PCDHA10: variants seen among roughly 807,000 people sequenced by gnomAD.
PCDHA10 encodes the protein protocadherin alpha 10.
Under a neutral mutation model 61.2 loss-of-function variants are expected in PCDHA10, and 45 were observed. The ratio of observed to expected loss-of-function variants is 0.74; its 90% CI spans 0.58 to 0.94. The LOEUF (loss-of-function observed/expected upper bound fraction) is 0.94, where lower values mean the gene tolerates loss of function less well. Ranked by LOEUF, PCDHA10 falls within the 40% of genes least tolerant of loss-of-function variation. The probability of loss-of-function intolerance (pLI) is 0.00; values close to 1 mark genes in which losing one functional copy is unlikely to be tolerated. For synonymous variants in PCDHA10, 602 were observed against 548.8 expected (o/e 1.10, Z -1.35); for missense variants, 1,278 against 1,236.2 (o/e 1.03, Z -0.51).
At chr5:140,937,064 G>A (rs2091301496) in intron 1 of PCDHA10, among the ~76,000 whole-genome samples, 1 of 143,854 alleles carries the variant, frequency 7.0e-6, no homozygotes, top group Admixed American at 7.1e-5. Context: ...TTGAGACGGA[G>A]TCTCGCTCTG....
intron 1 of PCDHA10, among the ~76,000 whole-genome samples, chr5:140,945,947 A>C (rs2093865061): frequency 6.6e-6 from 1 of 152,132 alleles, no homozygotes; most frequent in Non-Finnish European, 1.5e-5. Flanking sequence ...TTTTTATATG[A>C]CCCTGAAAGC....
intron 2 of PCDHA10, among the ~76,000 whole-genome samples, chr5:140,980,840 A>G (rs1248070793): frequency 1.3e-5 from 2 of 152,200 alleles, no homozygotes; most frequent in African/African-American, 4.8e-5. Context: ...GAACCTAAAT[A>G]ATACTAATCT....
At chr5:140,892,702 A>C (rs1391662001) in intron 1 of PCDHA10, among the ~76,000 whole-genome samples, 1 of 152,240 alleles carries the variant, frequency 6.6e-6, no homozygotes, top group Non-Finnish European at 1.5e-5. Flanking sequence ...AAATCAGGGT[A>C]ATTAGCATAT....
intron 1 of PCDHA10, among the ~76,000 whole-genome samples, chr5:140,937,385 T>G (rs1022137225): frequency 2.6e-5 from 4 of 152,170 alleles, no homozygotes; most frequent in Admixed American, 2.6e-4. Flanking sequence ...TGTGTGTATG[T>G]GTATATAGGG....
At chr5:140,975,562 A>T (rs1445534188) in intron 1 of PCDHA10, among the ~76,000 whole-genome samples, 2 of 152,206 alleles carry the variant, frequency 1.3e-5, no homozygotes, top group African/African-American at 4.8e-5. Flanking sequence ...GGAAAAGGAG[A>T]TATTATATGC....
chr5:140,965,173 G>A (rs1257436786), intron 1 of PCDHA10, among the ~76,000 whole-genome samples: 1 of 152,218 alleles, frequency 6.6e-6, no homozygotes, highest in African/African-American at 2.4e-5. Flanking sequence ...TTTAGTGAGT[G>A]CTTTTTTTGC....
chr5:140,883,691 T>C (rs2059755439), intron 1 of PCDHA10: 2 of 1,613,592 alleles, frequency 1.2e-6, no homozygotes, highest in African/African-American at 2.7e-5. Flanking sequence ...CTGCCACATC[T>C]TCACGGTGTC....
intron 1 of PCDHA10, chr5:140,928,375 T>C: frequency 6.2e-7 from 1 of 1,614,184 alleles, no homozygotes. Context: ...GCCATCAGCC[T>C]CTAGCTTGCT....
chr5:140,863,054 C>G (rs782230068), intron 1 of PCDHA10: 4 of 563,138 alleles, frequency 7.1e-6, no homozygotes, highest in Non-Finnish European at 1.4e-5. Flanking sequence ...TGGCAGCACC[C>G]GTTCCACGTG....
Position 140,857,295 on chromosome 5 carries a change from G to A in PCDHA10, c.1247G>A (p.Arg416Lys). Residue 416 changes from arginine (R) to lysine (K), a missense_variant, in exon 1 of 4, where the codon AGG becomes AAG. Coordinates refer to ENST00000307360, the MANE Select transcript of PCDHA10 (RefSeq NM_018901.4). ...LVLDSALDRE[R>K]VSAYELVVTA... is the part of the protein sequence containing the mutation. Reference sequence around the variant, plus strand: ...CTGGACAGCGCTCTGGACCGCGAGAGGGTGTCGGCCTATGAGCTGGTGGTG... The same window carrying A: ...CTGGACAGCGCTCTGGACCGCGAGAAGGTGTCGGCCTATGAGCTGGTGGTG... The A allele has an allele frequency of 6.3e-7, 1 of 1,598,726 alleles. No homozygotes were observed. The highest frequency in any genetic ancestry group is 8.6e-7 in the Non-Finnish European group (1 of 1,168,036).
chr5:140,928,485 C>T, intron 1 of PCDHA10: 2 of 1,614,136 alleles, frequency 1.2e-6, no homozygotes, highest in Non-Finnish European at 1.7e-6. Context: ...GGGATGGTGG[C>T]ATTCCTCCCA....
intron 1 of PCDHA10, among the ~76,000 whole-genome samples, chr5:140,964,472 T>C (rs1160731930): frequency 6.6e-6 from 1 of 152,074 alleles, no homozygotes; most frequent in Non-Finnish European, 1.5e-5. Context: ...GTGCCTATGA[T>C]TTTTTCACAG....
chr5:140,966,206 T>C, intron 1 of PCDHA10: 1 of 227,662 alleles, frequency 4.4e-6, no homozygotes, highest in Non-Finnish European at 8.5e-6. Context: ...GCTTGACTGC[T>C]TTTCCCAGAC....
chr5:140,863,525 C>A, intron 1 of PCDHA10: 1 of 394,654 alleles, frequency 2.5e-6, no homozygotes, highest in South Asian at 2.0e-5. Context: ...TCCCATGGTT[C>A]AGATTTTGGA....
intron 3 of PCDHA10, among the ~76,000 whole-genome samples, chr5:140,997,500 C>T (rs567570276): frequency 5.3e-4 from 80 of 152,250 alleles, no homozygotes; most frequent in South Asian, 3.9e-3. Context: ...TGTATCTCAA[C>T]ATACCTAAAC....
chr5:140,858,680 A>G (rs2045557174), intron 1 of PCDHA10: 4 of 623,692 alleles, frequency 6.4e-6, no homozygotes, highest in Non-Finnish European at 1.1e-5. Flanking sequence ...TTCTGAATAC[A>G]CTAATATTTT....
chr5:140,971,778 G>T (rs1346530602), intron 1 of PCDHA10, among the ~76,000 whole-genome samples: 1 of 151,860 alleles, frequency 6.6e-6, no homozygotes, highest in Admixed American at 6.6e-5. Flanking sequence ...TATTATTCAA[G>T]ATTATTCAAT....
chr5:140,870,147 A>G (rs1554163846), intron 1 of PCDHA10: 2 of 1,614,086 alleles, frequency 1.2e-6, no homozygotes, highest in Non-Finnish European at 1.7e-6. Flanking sequence ...ACTCTCCTGA[A>G]GTCGCCGTGA....
At chr5:140,871,121 A>G (rs1554165161) in intron 1 of PCDHA10, 4 of 1,613,320 alleles carry the variant, frequency 2.5e-6, no homozygotes, top group Non-Finnish European at 3.4e-6. Context: ...GAGAGCGGAC[A>G]GGCGCCAAAG....
Sources: gnomAD v4.1 joint callset for allele counts (sites outside exome capture counted in the v4.1 genomes callset) on GRCh38, gnomAD v4.1.1 for gene constraint, MANE v1.5 for transcripts, NCBI Gene and HGNC (gene_info 2026-07-23, HGNC 2026-07-21) for gene names.